Variants in TULP4 observed in about 807,000 individuals in gnomAD.
The protein encoded by TULP4 is tubby-related protein 4.
TULP4 carries 16 observed loss-of-function variants against 129.0 expected under a neutral mutation model. That is an observed-to-expected ratio of 0.12 (90% confidence interval 0.08 to 0.19). The LOEUF is 0.19. TULP4 is among the 10% of genes least tolerant of loss of function. The pLI, the probability that TULP4 is intolerant of heterozygous loss-of-function variation, is 1.00. For synonymous variants in TULP4, 998 were observed against 854.0 expected (o/e 1.17, Z -2.94); for missense variants, 1,842 against 2,059.1 (o/e 0.89, Z 2.04).
chr6:158,308,946 C>A (rs1779276292), upstream of TULP4, among the ~76,000 whole-genome samples: 2 of 142,942 alleles, frequency 1.4e-5, no homozygotes, highest in Non-Finnish European at 1.6e-5. Flanking sequence ...GACCCACCCA[C>A]CTCCCTCCCG....
Position 158,505,118 on chromosome 6 carries a change from T to C in TULP4, c.4515+940T>C, listed in dbSNP as rs539423650. ...TCTGTATATGGAAGTCATTCCCCAG[T>C]TCTCGAACCGGATGTTATCTCATGG... is the stretch of plus-strand genomic sequence containing the variant. On this transcript the variant is annotated intron_variant, in intron 13 of 13. Transcript: ENST00000367097. 5.3e-5 allele frequency among the ~76,000 whole-genome samples: 8 copies of C among 152,332 alleles called. No homozygotes were observed. In the East Asian group the frequency reaches 1.5e-3, roughly 29 times the overall value.
At chr6:158,414,627 G>A (rs1046636152) in intron 2 of TULP4, among the ~76,000 whole-genome samples, 2 of 152,146 alleles carry the variant, frequency 1.3e-5, no homozygotes, top group African/African-American at 2.4e-5. Flanking sequence ...TGAAATGACC[G>A]CCTCTCCGAG....
intron 1 of TULP4, among the ~76,000 whole-genome samples, chr6:158,390,795 C>T (rs1366178067): frequency 1.3e-5 from 2 of 152,196 alleles, no homozygotes; most frequent in Non-Finnish European, 2.9e-5. Context: ...TGCATGGGCC[C>T]TATGTTTGTT....
At chr6:158,273,606 G>T (rs906589656) in intron 1 of TULP4, among the ~76,000 whole-genome samples, 1 of 152,286 alleles carries the variant, frequency 6.6e-6, no homozygotes, top group East Asian at 1.9e-4. Flanking sequence ...TCCATGCCCT[G>T]TCCCATTCTT....
intron 9 of TULP4, among the ~76,000 whole-genome samples, chr6:158,490,144 T>C (rs546701605): frequency 1.2e-3 from 177 of 152,344 alleles, no homozygotes; most frequent in African/African-American, 3.3e-3. Flanking sequence ...ACGCCTGTAA[T>C]CCCATCACTT....
chr6:158,343,978 G>T (rs1287299653), intron 1 of TULP4, among the ~76,000 whole-genome samples: 1 of 152,178 alleles, frequency 6.6e-6, no homozygotes, highest in Admixed American at 6.5e-5. Flanking sequence ...ATCCACAAAA[G>T]AAGTGAAAAT....
intron 1 of TULP4, among the ~76,000 whole-genome samples, chr6:158,343,662 C>A: frequency 6.6e-6 from 1 of 152,138 alleles, no homozygotes; most frequent in East Asian, 1.9e-4. Flanking sequence ...GACTTCCAGC[C>A]CCCAGGACTG....
At chr6:158,430,644 G>T (rs1778608284) in intron 3 of TULP4, among the ~76,000 whole-genome samples, 1 of 152,166 alleles carries the variant, frequency 6.6e-6, no homozygotes, top group African/African-American at 2.4e-5. Flanking sequence ...GCTGCTTGGA[G>T]GCTGAGACAG....
At chr6:158,400,026 TTGTC>T (rs972649763) in intron 1 of TULP4, among the ~76,000 whole-genome samples, 1 of 152,224 alleles carries the variant, frequency 6.6e-6, no homozygotes. Context: ...TGTTGTCTAA[TTGTC>T]TGTTTTGCCT....
At chr6:158,352,705 T>C (rs1780553572) in intron 1 of TULP4, among the ~76,000 whole-genome samples, 1 of 152,222 alleles carries the variant, frequency 6.6e-6, no homozygotes, top group Non-Finnish European at 1.5e-5. Flanking sequence ...CCGATACTGG[T>C]TCTTTAACTT....
intron 1 of TULP4, among the ~76,000 whole-genome samples, chr6:158,250,586 G>A (rs894593664): frequency 6.6e-6 from 1 of 152,208 alleles, no homozygotes; most frequent in Non-Finnish European, 1.5e-5. Context: ...GAAATGGTAG[G>A]AGTATTGTTC....
At chr6:158,409,711 T>C (rs1282680729) in intron 1 of TULP4, among the ~76,000 whole-genome samples, 1 of 152,246 alleles carries the variant, frequency 6.6e-6, no homozygotes, top group East Asian at 1.9e-4. Flanking sequence ...AGTTTGGCTT[T>C]ATTTTTAAAC....
chr6:158,363,282 G>A (rs745628615), intron 1 of TULP4, among the ~76,000 whole-genome samples: 3 of 152,172 alleles, frequency 2.0e-5, no homozygotes, highest in Non-Finnish European at 4.4e-5. Flanking sequence ...TGGAGGTTGA[G>A]ATGACTTTAT....
At chr6:158,440,987 T>C (rs1452013364) in intron 3 of TULP4, among the ~76,000 whole-genome samples, 2 of 152,164 alleles carry the variant, frequency 1.3e-5, no homozygotes, top group Non-Finnish European at 2.9e-5. Context: ...TATTGATGAA[T>C]TATAAAATAC....
intron 1 of TULP4, among the ~76,000 whole-genome samples, chr6:158,250,167 T>G (rs1033020187): frequency 1.3e-5 from 2 of 151,590 alleles, no homozygotes; most frequent in South Asian, 2.1e-4. Flanking sequence ...CTTTTTTTTT[T>G]TTTTGTTTTG....
intron 11 of TULP4, among the ~76,000 whole-genome samples, chr6:158,497,112 C>G (rs1004380870): frequency 2.0e-5 from 3 of 152,246 alleles, no homozygotes; most frequent in African/African-American, 7.2e-5. Flanking sequence ...CTTGGCCTCT[C>G]AAAGTGCTGG....
intron 1 of TULP4, among the ~76,000 whole-genome samples, chr6:158,368,004 G>T (rs1245162963): frequency 7.4e-6 from 1 of 135,750 alleles, no homozygotes; most frequent in Non-Finnish European, 1.5e-5. Context: ...GAGGTATGAG[G>T]ATCACCCAAG....
chr6:158,501,558 T>C (rs183052016), intron 12 of TULP4, 120 bp from the exon 13 acceptor site: 125 of 1,031,176 alleles, frequency 1.2e-4, no homozygotes, highest in East Asian at 2.1e-4. Flanking sequence ...CGTCTCTGTC[T>C]CTGGCAATTT....
At chr6:158,464,101 A>C (rs576308227) in intron 6 of TULP4, among the ~76,000 whole-genome samples, 1 of 152,308 alleles carries the variant, frequency 6.6e-6, no homozygotes, top group African/African-American at 2.4e-5. Flanking sequence ...CAAATTCTGT[A>C]CAATATTTAA....
Sources: allele counts gnomAD v4.1 joint callset (sites outside exome capture counted in the v4.1 genomes callset), GRCh38; gene constraint gnomAD v4.1.1; transcripts MANE v1.5; gene names NCBI Gene and HGNC (gene_info 2026-07-23, HGNC 2026-07-21).